AJAP1: variants seen among roughly 807,000 people sequenced by gnomAD.
AJAP1 encodes adherens junction-associated protein 1.
AJAP1 carries 5 observed loss-of-function variants against 35.0 expected under a neutral mutation model. The ratio of observed to expected loss-of-function variants is 0.14; its 90% CI spans 0.07 to 0.30. The LOEUF (loss-of-function observed/expected upper bound fraction) is 0.30, where lower values mean the gene tolerates loss of function less well. Ranked by LOEUF, AJAP1 falls within the 10% of genes least tolerant of loss-of-function variation. The pLI, the probability that AJAP1 is intolerant of heterozygous loss-of-function variation, is 1.00. For missense variants in AJAP1, 586 were observed against 571.0 expected, an observed-to-expected ratio of 1.03 and a Z score of -0.27; for synonymous variants, 284 against 249.3, an observed-to-expected ratio of 1.14 and a Z score of -1.31.
At chr1:4,777,939 C>G (rs1641972398) in intron 5 of AJAP1, 1 of 152,202 alleles carries the variant, frequency 6.6e-6, no homozygotes, top group Non-Finnish European at 1.5e-5. Context: ...ACCACGAAAA[C>G]TTTGAGAGAA....
intron 1 of AJAP1, among the ~76,000 whole-genome samples, chr1:4,688,188 G>C (rs891290360): frequency 6.6e-6 from 1 of 152,182 alleles, no homozygotes; most frequent in Non-Finnish European, 1.5e-5. Flanking sequence ...CCGTAGTCTT[G>C]GGAGGGAAGT....
chr1:4,687,690 C>T (rs923200447), intron 1 of AJAP1, among the ~76,000 whole-genome samples: 3 of 152,200 alleles, frequency 2.0e-5, no homozygotes, highest in African/African-American at 7.2e-5. Flanking sequence ...GAGTGAACGT[C>T]CCTGTCACTC....
chr1:4,760,511 C>G (rs1009498570), intron 2 of AJAP1, among the ~76,000 whole-genome samples: 2 of 152,244 alleles, frequency 1.3e-5, no homozygotes, highest in South Asian at 4.1e-4. Context: ...GGAGAAGGTG[C>G]TGCTGCCTGT....
intron 2 of AJAP1, among the ~76,000 whole-genome samples, chr1:4,721,433 C>A (rs535005653): frequency 7.9e-5 from 12 of 152,290 alleles, no homozygotes; most frequent in African/African-American, 2.6e-4. Flanking sequence ...CTAGAAGCTC[C>A]AGAGGGTCCT....
At chr1:4,726,314 C>T (rs534843900) in intron 2 of AJAP1, among the ~76,000 whole-genome samples, 1 of 152,250 alleles carries the variant, frequency 6.6e-6, no homozygotes, top group South Asian at 2.1e-4. Context: ...TGGAAACTCA[C>T]AGTGGCCAGG....
At chr1:4,694,175 G>T (rs541231079) in intron 1 of AJAP1, among the ~76,000 whole-genome samples, 3 of 132,802 alleles carry the variant, frequency 2.3e-5, no homozygotes, top group African/African-American at 8.5e-5. Context: ...CAGGGGCACG[G>T]GTGCCAGTCT....
intron 1 of AJAP1, among the ~76,000 whole-genome samples, chr1:4,698,598 A>T (rs1639918866): frequency 6.6e-6 from 1 of 152,156 alleles, no homozygotes; most frequent in East Asian, 1.9e-4. Flanking sequence ...TCCCACCCTC[A>T]GTCAACCACA....
intron 2 of AJAP1, among the ~76,000 whole-genome samples, chr1:4,715,931 A>G (rs1640379458): frequency 6.6e-6 from 1 of 152,258 alleles, no homozygotes; most frequent in East Asian, 1.9e-4. Context: ...GCACCCCAAA[A>G]TTTGGAATTG....
At chr1:4,714,467 A>G (rs527244888) in intron 2 of AJAP1, among the ~76,000 whole-genome samples, 7 of 152,336 alleles carry the variant, frequency 4.6e-5, no homozygotes, top group African/African-American at 1.7e-4. Context: ...CACTTACTAT[A>G]TAGACATGGA....
chr1:4,664,085 A>G (rs921346764), intron 1 of AJAP1, among the ~76,000 whole-genome samples: 3 of 152,142 alleles, frequency 2.0e-5, no homozygotes, highest in Non-Finnish European at 4.4e-5. Flanking sequence ...TGGTAGGAGC[A>G]CTTTAAGGAT....
intron 2 of AJAP1, among the ~76,000 whole-genome samples, chr1:4,746,256 C>G (rs1441667275): frequency 6.6e-6 from 1 of 152,122 alleles, no homozygotes; most frequent in Non-Finnish European, 1.5e-5. Context: ...CTATGTGTCT[C>G]AAATATCCCT....
intron 2 of AJAP1, among the ~76,000 whole-genome samples, chr1:4,739,796 C>A (rs1641015645): frequency 6.6e-6 from 1 of 152,220 alleles, no homozygotes; most frequent in Non-Finnish European, 1.5e-5. Context: ...GCGGCCCTCA[C>A]TTCAACGTTG....
In AJAP1 at chr1:4,789,152, G is replaced by C. The variant is rs1308653721; in HGVS notation, c.*6667G>C. 3 of 152,174 alleles carry C rather than the reference G, an allele frequency of 2.0e-5. No individual in the cohort carries two copies. Among genetic ancestry groups the C allele is most frequent in the South Asian group, 4.1e-4 (2 of 4,824 alleles). The allele number at this position is 152,174 out of a possible 1,614,324, so 9.4% of individuals were successfully genotyped here. On this transcript the variant is annotated 3_prime_UTR_variant, in exon 6 of 6. Transcript: ENST00000378191. The surrounding 1 kb of genome is among the most constrained non-coding windows in gnomAD (Gnocchi z 4.4). ...CATGTGGGACACACAGGTTTATAGA[G>C]ATTAAACACTAGTGAGTAGCGGGGG... is the stretch of plus-strand genomic sequence containing the variant.
intron 2 of AJAP1, among the ~76,000 whole-genome samples, chr1:4,736,572 G>A (rs981744729): frequency 1.1e-4 from 17 of 152,138 alleles, no homozygotes. Context: ...TGCAAAATAG[G>A]ATTAAAAGTG....
Position 4,770,033 on chromosome 1 carries a change from G to A in AJAP1, c.917+93G>A, listed in dbSNP as rs1641800161. The A allele has an allele frequency of 7.0e-6, 8 of 1,140,100 alleles. No individual in the cohort carries two copies. In the South Asian group the frequency reaches 8.7e-5, roughly 12 times the overall value. 70.6% of individuals were successfully genotyped at this position (1,140,100 alleles called of 1,614,324 possible). ...GAAAGGCCCCTACTTTTCAAAGCCA[G>A]CCTGTTCTGCTGGCTTCTGCCCTGG... On this transcript the variant is annotated intron_variant, in intron 3 of 5. Transcript: ENST00000378191.
chr1:4,694,716 A>G (rs1639819028), intron 1 of AJAP1, among the ~76,000 whole-genome samples: 1 of 152,226 alleles, frequency 6.6e-6, no homozygotes, highest in African/African-American at 2.4e-5. Flanking sequence ...CTGGTGCCCC[A>G]TGTGGCTGCA....
intron 1 of AJAP1, among the ~76,000 whole-genome samples, chr1:4,661,935 C>T (rs889494325): frequency 6.6e-6 from 1 of 152,140 alleles, no homozygotes; most frequent in African/African-American, 2.4e-5. Flanking sequence ...CCAAGGAGGC[C>T]TCTATCGAGA....
In AJAP1 at chr1:4,776,610, C is replaced by T. The variant is rs180736093; in HGVS notation, c.*59+2052C>T. Among the ~76,000 whole-genome samples the T allele has an allele frequency of 7.3e-4, 111 of 152,298 alleles. 1 individual carries two copies. Among genetic ancestry groups the T allele is most frequent in the African/African-American group, 2.6e-3 (107 of 41,562 alleles). ...TTATTTACTCATCTGCCCCAGAAAACCTTCGTGTCTCATCAGCCTGGTCCT... is the reference window on the plus strand; with the variant it reads ...TTATTTACTCATCTGCCCCAGAAAATCTTCGTGTCTCATCAGCCTGGTCCT... On this transcript the variant is annotated intron_variant, in intron 5 of 5. Transcript: ENST00000378191.
chr1:4,741,710 A>C (rs1358420388), intron 2 of AJAP1, among the ~76,000 whole-genome samples: 1 of 152,226 alleles, frequency 6.6e-6, no homozygotes, highest in Non-Finnish European at 1.5e-5. Context: ...AGAGATGGGC[A>C]TACCCAGCAC....
Sources: allele counts gnomAD v4.1 joint callset (sites outside exome capture counted in the v4.1 genomes callset), GRCh38; gene constraint gnomAD v4.1.1; non-coding constraint Gnocchi (gnomAD v3.1); transcripts MANE v1.5; gene names NCBI Gene and HGNC (gene_info 2026-07-23, HGNC 2026-07-21).